The following ZRANB3 variants were observed in gnomAD, a reference collection of about 807,000 sequenced individuals.
The protein encoded by ZRANB3 is zinc finger RANBP2-type containing 3, also known as DNA annealing helicase and endonuclease ZRANB3.
A neutral mutation model predicts 133.8 loss-of-function variants in ZRANB3; 125 were observed. That is an observed-to-expected ratio of 0.93 (90% CI 0.81 to 1.08). The LOEUF is 1.08. Among genes scored for constraint, ZRANB3 ranks in the 50% least tolerant of loss-of-function variants. The pLI is 0.00. For synonymous variants in ZRANB3, 387 were observed against 432.7 expected (o/e 0.89, Z 1.31); for missense variants, 1,229 against 1,275.5 (o/e 0.96, Z 0.56).
chr2:135,357,716 AAAT>A (rs748357463), intron 3 of ZRANB3, among the ~76,000 whole-genome samples: 3 of 152,208 alleles, frequency 2.0e-5, no homozygotes, highest in Non-Finnish European at 4.4e-5. Flanking sequence ...CCAGCCAAAA[AAAT>A]AAGTTATTTT....
chr2:135,478,959 T>C (rs1691632492), intron 2 of ZRANB3, among the ~76,000 whole-genome samples: 1 of 151,986 alleles, frequency 6.6e-6, no homozygotes, highest in Admixed American at 6.6e-5. Flanking sequence ...ATGTTATATA[T>C]ACTGATATAC....
At chr2:135,437,002 C>T in intron 2 of ZRANB3, among the ~76,000 whole-genome samples, 1 of 152,210 alleles carries the variant, frequency 6.6e-6, no homozygotes, top group East Asian at 1.9e-4. Context: ...CTCTGTTGCC[C>T]AGGCTGGAGT....
At chr2:135,284,775 T>G (rs72982334) in intron 8 of ZRANB3, among the ~76,000 whole-genome samples, 9,441 of 150,288 alleles carry the variant, frequency 0.063, 577 homozygotes, top group African/African-American at 0.16. Flanking sequence ...CCGGCCACCT[T>G]TCCTTACTTT....
chr2:135,203,163 G>T (rs1693694262), intron 19 of ZRANB3, among the ~76,000 whole-genome samples, 200 bp from the exon 20 acceptor site: 1 of 151,986 alleles, frequency 6.6e-6, no homozygotes, highest in Admixed American at 6.6e-5. Context: ...TTTCTGAAAG[G>T]TTTTTTTCTC....
At chr2:135,365,051 A>T (rs1395531873) in intron 3 of ZRANB3, among the ~76,000 whole-genome samples, 1 of 151,782 alleles carries the variant, frequency 6.6e-6, no homozygotes, top group Non-Finnish European at 1.5e-5. Context: ...TCTCAAAAAA[A>T]AAAATAAATA....
At chr2:135,358,490 T>C (rs1433970022) in intron 3 of ZRANB3, among the ~76,000 whole-genome samples, 1 of 152,218 alleles carries the variant, frequency 6.6e-6, no homozygotes, top group East Asian at 1.9e-4. Context: ...TAATAATGTA[T>C]TATTTTTGTT....
chr2:135,409,783 G>T (rs536764637), intron 2 of ZRANB3, among the ~76,000 whole-genome samples: 17 of 152,214 alleles, frequency 1.1e-4, no homozygotes, highest in African/African-American at 3.4e-4. Flanking sequence ...AATGTTTCAG[G>T]ATACAAAATC....
intron 8 of ZRANB3, among the ~76,000 whole-genome samples, chr2:135,311,322 CAA>C (rs1197409229): frequency 2.0e-5 from 3 of 152,058 alleles, no homozygotes; most frequent in African/African-American, 7.2e-5. Context: ...CTAGTGCTCA[CAA>C]AGATATCAAA....
intron 6 of ZRANB3, among the ~76,000 whole-genome samples, chr2:135,343,026 A>C (rs1468109735): frequency 6.8e-6 from 1 of 146,380 alleles, no homozygotes; most frequent in Non-Finnish European, 1.5e-5. Context: ...AAAAAAAAAA[A>C]AAAAAAAAAC....
chr2:135,456,472 T>G (rs1574132713), intron 2 of ZRANB3, among the ~76,000 whole-genome samples: 2 of 152,260 alleles, frequency 1.3e-5, no homozygotes, highest in South Asian at 4.1e-4. Flanking sequence ...AGAAACAAAT[T>G]TTGGTGAACA....
chr2:135,226,892 T>C (rs1365274949), intron 14 of ZRANB3, among the ~76,000 whole-genome samples: 1 of 152,202 alleles, frequency 6.6e-6, no homozygotes, highest in African/African-American at 2.4e-5. Context: ...TTAACAGATC[T>C]AAACAGATCC....
At chr2:135,347,049 T>C (rs554091735) in intron 5 of ZRANB3, among the ~76,000 whole-genome samples, 1 of 152,300 alleles carries the variant, frequency 6.6e-6, no homozygotes, top group South Asian at 2.1e-4. Context: ...TATGTAGCCT[T>C]TTGTATCTGG....
At chr2:135,437,091 C>T (rs1421366146) in intron 2 of ZRANB3, among the ~76,000 whole-genome samples, 2 of 152,158 alleles carry the variant, frequency 1.3e-5, no homozygotes, top group Non-Finnish European at 2.9e-5. Context: ...TCCTAAGTAG[C>T]TGGGATTACA....
At chr2:135,302,696 T>C (rs1682491764) in intron 8 of ZRANB3, among the ~76,000 whole-genome samples, 1 of 152,000 alleles carries the variant, frequency 6.6e-6, no homozygotes, top group Admixed American at 6.6e-5. Context: ...CGGCTAATTT[T>C]TGTATTTTTA....
intron 2 of ZRANB3, among the ~76,000 whole-genome samples, chr2:135,396,151 C>T (rs534725652): frequency 6.6e-6 from 1 of 152,158 alleles, no homozygotes; most frequent in African/African-American, 2.4e-5. Context: ...AAATGAAAGA[C>T]AGGCAACAAC....
At chr2:135,329,069 T>A (rs1683997300) in intron 6 of ZRANB3, among the ~76,000 whole-genome samples, 1 of 152,240 alleles carries the variant, frequency 6.6e-6, no homozygotes, top group East Asian at 1.9e-4. Flanking sequence ...TTTAATTAGA[T>A]CCCATTTGTC....
intron 9 of ZRANB3, 77 bp from the exon 10 acceptor site, chr2:135,271,964 A>T: frequency 2.2e-6 from 3 of 1,362,534 alleles, no homozygotes; most frequent in Non-Finnish European, 2.9e-6. Context: ...TTTACAGCTT[A>T]TTTTTATGGT....
intron 1 of ZRANB3, among the ~76,000 whole-genome samples, chr2:135,519,875 T>C (rs2104840898): frequency 6.6e-6 from 1 of 152,212 alleles, no homozygotes; most frequent in South Asian, 2.1e-4. Context: ...CTTCTAAATA[T>C]ACATACATCA....
intron 6 of ZRANB3, among the ~76,000 whole-genome samples, chr2:135,335,131 G>A (rs1435682162): frequency 6.6e-6 from 1 of 151,678 alleles, no homozygotes; most frequent in Non-Finnish European, 1.5e-5. Context: ...ACAATCTTTA[G>A]GTATGTCTAT....
Sources: allele counts gnomAD v4.1 joint callset (sites outside exome capture counted in the v4.1 genomes callset), GRCh38; gene constraint gnomAD v4.1.1; transcripts MANE v1.5; gene names NCBI Gene and HGNC (gene_info 2026-07-23, HGNC 2026-07-21).